TAFA5: variants seen among roughly 807,000 people sequenced by gnomAD.
The protein encoded by TAFA5 is chemokine-like protein TAFA-5.
A neutral mutation model predicts 15.3 loss-of-function variants in TAFA5; 6 were observed. The observed-to-expected ratio is 0.39, with a 90% CI of 0.21 to 0.77. TAFA5 has a LOEUF of 0.77. TAFA5 is among the 30% of genes least tolerant of loss of function. The pLI, the probability that TAFA5 is intolerant of heterozygous loss-of-function variation, is 0.41. For missense variants in TAFA5, 161 were observed against 193.1 expected, an observed-to-expected ratio of 0.83 and a Z score of 0.98; for synonymous variants, 103 against 80.7, an observed-to-expected ratio of 1.28 and a Z score of -1.48.
At position 48,598,656 on chromosome 22, in the gene TAFA5, A is replaced by C. The variant is rs999054963; in HGVS notation, c.113-47941A>C. On this transcript the variant is annotated intron_variant, in intron 1 of 3. Transcript: ENST00000402357. The surrounding 1 kb of genome is among the most constrained non-coding windows in gnomAD (Gnocchi z 4.0). ...GTTTTTCACACCAACAAGTTCTCCA[A>C]CTTTCCAGACACCAAATGAATATCT... Among the ~76,000 whole-genome samples, 1 of 152,074 alleles carries C rather than the reference A, an allele frequency of 6.6e-6. No homozygotes were observed. The highest frequency in any genetic ancestry group is 2.4e-5 in the African/African-American group (1 of 41,388).
chr22:48,506,170 C>G (rs1427647703), intron 1 of TAFA5, among the ~76,000 whole-genome samples: 1 of 152,220 alleles, frequency 6.6e-6, no homozygotes, highest in Non-Finnish European at 1.5e-5. Flanking sequence ...CCTGGCCCCT[C>G]CTCCTGCAGC....
chr22:48,610,438 T>C (rs1925358417), intron 1 of TAFA5, among the ~76,000 whole-genome samples: 1 of 152,246 alleles, frequency 6.6e-6, no homozygotes, highest in Non-Finnish European at 1.5e-5. Context: ...AAAGGTACAC[T>C]GAGGAAGCGC....
intron 3 of TAFA5, among the ~76,000 whole-genome samples, chr22:48,718,190 A>C (rs991197385): frequency 6.6e-6 from 1 of 152,168 alleles, no homozygotes; most frequent in African/African-American, 2.4e-5. Flanking sequence ...GGGTGCACCC[A>C]GGCGTCCTCA....
chr22:48,557,077 G>C lies in TAFA5; in HGVS notation c.112+67373G>C, dbSNP rs16999437. Among the ~76,000 whole-genome samples, 1,244 of 152,334 alleles carry C rather than the reference G, an allele frequency of 8.2e-3. 16 individuals carry two copies. The highest frequency in any genetic ancestry group is 0.029 in the African/African-American group (1,200 of 41,572). On this transcript the variant is annotated intron_variant, in intron 1 of 3. Coordinates refer to ENST00000402357, the MANE Select transcript of TAFA5 (RefSeq NM_001082967.3). Reference sequence around the variant, plus strand: ...CCGCAGGGAGCGGGGAGTGCGCCCAGGTCTGGGGTTCAGGGCCGGCAGCAG... The same window carrying C: ...CCGCAGGGAGCGGGGAGTGCGCCCACGTCTGGGGTTCAGGGCCGGCAGCAG...
At chr22:48,661,012 T>A (rs1927420180) in intron 2 of TAFA5, among the ~76,000 whole-genome samples, 1 of 152,186 alleles carries the variant, frequency 6.6e-6, no homozygotes, top group Admixed American at 6.5e-5. Flanking sequence ...CAGAGCTCAT[T>A]CATTCCAGCT....
At chr22:48,611,283 A>G (rs1242422316) in intron 1 of TAFA5, among the ~76,000 whole-genome samples, 1 of 152,214 alleles carries the variant, frequency 6.6e-6, no homozygotes, top group African/African-American at 2.4e-5. Flanking sequence ...CGCGAAATAC[A>G]GCCTCTCTGC....
chr22:48,605,464 AATG>A (rs1342449430), intron 1 of TAFA5, among the ~76,000 whole-genome samples: 4 of 57,682 alleles, frequency 6.9e-5, no homozygotes, highest in Non-Finnish European at 1.5e-4. Flanking sequence ...TGGTGATGGT[AATG>A]ATGATGTTGG....
At chr22:48,629,132 T>C (rs1282245980) in intron 1 of TAFA5, among the ~76,000 whole-genome samples, 1 of 151,942 alleles carries the variant, frequency 6.6e-6, no homozygotes, top group Non-Finnish European at 1.5e-5. Flanking sequence ...CCCCAGCGGC[T>C]CCCCTCGAGG....
chr22:48,619,945 G>A (rs1925745108), intron 1 of TAFA5, among the ~76,000 whole-genome samples: 1 of 152,244 alleles, frequency 6.6e-6, no homozygotes. Context: ...GGGCCTGGGG[G>A]CGTCGGCCCT....
At chr22:48,669,758 AC>A (rs1275095392) in intron 2 of TAFA5, among the ~76,000 whole-genome samples, 1 of 152,166 alleles carries the variant, frequency 6.6e-6, no homozygotes, top group South Asian at 2.1e-4. Flanking sequence ...CACCAGGCCC[AC>A]CTGCTTCCCA....
chr22:48,678,902 T>TCCCGGCTC lies in TAFA5; in HGVS notation c.263-28803_263-28796dup, dbSNP rs1162529854. On this transcript the variant is annotated intron_variant, in intron 2 of 3. Transcript: ENST00000402357. ...CGTCCCGGCTCCCTGTCCATCCCTC[T>TCCCGGCTC]CCCGGCTCCCCGGCTCCCCAGCTCC... 4.1e-5 allele frequency among the ~76,000 whole-genome samples: 6 copies of TCCCGGCTC among 145,014 alleles called. No individual in the cohort carries two copies. In the South Asian group the frequency reaches 6.7e-4, roughly 16 times the overall value.
chr22:48,694,864 C>T (rs1303239589), intron 2 of TAFA5, among the ~76,000 whole-genome samples: 1 of 144,874 alleles, frequency 6.9e-6, no homozygotes, highest in Non-Finnish European at 1.5e-5. Context: ...CAGACTTCCA[C>T]CCCCACCTGC....
intron 2 of TAFA5, among the ~76,000 whole-genome samples, chr22:48,683,355 G>A (rs62224990): frequency 0.12 from 18,973 of 152,270 alleles, 1,279 homozygotes; most frequent in Non-Finnish European, 0.14. Flanking sequence ...GTGAGAGAGC[G>A]CCAGGTACGG....
chr22:48,717,276 C>A (rs923501744), intron 3 of TAFA5, among the ~76,000 whole-genome samples: 13 of 152,222 alleles, frequency 8.5e-5, no homozygotes, highest in African/African-American at 2.9e-4. Context: ...GGCTGCGACT[C>A]CTGACCTGGA....
At chr22:48,617,365 A>G (rs1184964665) in intron 1 of TAFA5, among the ~76,000 whole-genome samples, 1 of 152,188 alleles carries the variant, frequency 6.6e-6, no homozygotes, top group Non-Finnish European at 1.5e-5. Context: ...CTTAGAAGAA[A>G]TCAGTGACAC....
At chr22:48,747,265 A>G (rs1339300656) in intron 3 of TAFA5, among the ~76,000 whole-genome samples, 2 of 152,166 alleles carry the variant, frequency 1.3e-5, no homozygotes, top group Admixed American at 1.3e-4. Context: ...TGAGTCCCTG[A>G]TGTTCTGCAT....
intron 1 of TAFA5, among the ~76,000 whole-genome samples, chr22:48,578,347 G>A (rs1923896327): frequency 6.6e-6 from 1 of 152,208 alleles, no homozygotes. Flanking sequence ...CGCTGCCCCA[G>A]TGCAGGTGCC....
chr22:48,569,326 G>A (rs1052897742), intron 1 of TAFA5, among the ~76,000 whole-genome samples: 2 of 152,124 alleles, frequency 1.3e-5, no homozygotes, highest in South Asian at 2.1e-4. Flanking sequence ...AACCTGGCCC[G>A]GCCCCGACAT....
At chr22:48,498,780 C>T (rs1222291804) in intron 1 of TAFA5, among the ~76,000 whole-genome samples, 2 of 152,292 alleles carry the variant, frequency 1.3e-5, no homozygotes, top group Admixed American at 1.3e-4. Context: ...TGGACCTTGC[C>T]GCCTGACCCT....
Sources: allele counts gnomAD v4.1 joint callset (sites outside exome capture counted in the v4.1 genomes callset), GRCh38; gene constraint gnomAD v4.1.1; non-coding constraint Gnocchi (gnomAD v3.1); transcripts MANE v1.5; gene names NCBI Gene and HGNC (gene_info 2026-07-23, HGNC 2026-07-21).